The following CNKSR2 variants were observed in gnomAD, a reference collection of about 807,000 sequenced individuals.
CNKSR2 encodes the protein connector enhancer of kinase suppressor of Ras 2, also known as CNK homolog protein 2.
Under a neutral mutation model 84.4 loss-of-function variants are expected in CNKSR2, and 14 were observed. That is an observed-to-expected ratio of 0.17 (90% CI 0.11 to 0.26). The LOEUF (loss-of-function observed/expected upper bound fraction) is 0.26. CNKSR2 is among the 10% of genes least tolerant of loss of function. The pLI, the probability that CNKSR2 is intolerant of heterozygous loss-of-function variation, is 1.00. For missense variants in CNKSR2, 485 were observed against 771.2 expected (o/e 0.63, Z 4.40); for synonymous variants, 275 against 277.9 (o/e 0.99, Z 0.10).
chrX:21,419,628 T>A (rs943487350), intron 1 of CNKSR2, among the ~76,000 whole-genome samples: 2 of 112,049 alleles, frequency 1.8e-5, no homozygotes, highest in South Asian at 3.7e-4. Context: ...AGCCCGGTGA[T>A]GCTGTGCTTC....
At chrX:21,453,839 CAA>C (rs2090965554) in intron 4 of CNKSR2, among the ~76,000 whole-genome samples, 1 of 111,089 alleles carries the variant, frequency 9.0e-6, no homozygotes, top group Non-Finnish European at 1.9e-5. Flanking sequence ...CAGAGAAGGA[CAA>C]AGAGAGAGCA....
chrX:21,490,446 T>A lies in CNKSR2; in HGVS notation c.562-13T>A, dbSNP rs779773084. 93 of 1,193,838 alleles carry A rather than the reference T, an allele frequency of 7.8e-5. No individual in the cohort carries two copies. The Middle Eastern group carries it at 5.2e-3, about 66-fold the overall frequency. Reference sequence around the variant, plus strand: ...CGTATTTACCACAACTATTTTTGTTTTTGTGCTTCCAGTGTAAAACTCTTT... The same window carrying A: ...CGTATTTACCACAACTATTTTTGTTATTGTGCTTCCAGTGTAAAACTCTTT... On this transcript the variant is annotated splice_polypyrimidine_tract_variant and intron_variant, in intron 5 of 21. Coordinates refer to ENST00000379510, the MANE Select transcript of CNKSR2 (RefSeq NM_014927.5).
chrX:21,433,695 C>T lies in CNKSR2; in HGVS notation c.431+881C>T, dbSNP rs1013517489. Among the ~76,000 whole-genome samples, 5 of 107,432 alleles carry T rather than the reference C, an allele frequency of 4.7e-5. No homozygotes were observed. The South Asian group carries it at 1.2e-3, about 26-fold the overall frequency. 93.3% of individuals were successfully genotyped at this position (107,432 alleles called of 115,157 possible). ...ACACACACACACACACACACACACA[C>T]GCCAGTATTACATTTTGGCATTTTA... On this transcript the variant is annotated intron_variant, in intron 3 of 21. Coordinates refer to ENST00000379510, the MANE Select transcript of CNKSR2 (RefSeq NM_014927.5).
intron 1 of CNKSR2, among the ~76,000 whole-genome samples, chrX:21,394,473 G>T (rs894261574): frequency 1.2e-4 from 13 of 111,426 alleles, no homozygotes; most frequent in African/African-American, 3.6e-4. Context: ...TCGAGTCAAT[G>T]TTTTTACTTA....
intron 11 of CNKSR2, among the ~76,000 whole-genome samples, chrX:21,551,748 G>A (rs192377291): frequency 6.7e-4 from 75 of 111,916 alleles, no homozygotes; most frequent in Non-Finnish European, 1.3e-3. Flanking sequence ...CAACAAGAAT[G>A]ATCTGGCCTG....
chrX:21,428,262 T>C (rs930286179), intron 2 of CNKSR2: 2 of 112,040 alleles, frequency 1.8e-5, no homozygotes, highest in African/African-American at 6.5e-5. Context: ...GCATAATTTT[T>C]CTCTTACCTG....
chrX:21,550,680 A>G lies in CNKSR2; in HGVS notation c.1304-10791A>G, dbSNP rs985308502. ...TTGGAACCAACCCAAATGCCCATCA[A>G]TGATAGACTGGATAAAGAAAATGTG... On this transcript the variant is annotated intron_variant, in intron 11 of 21. Coordinates refer to ENST00000379510, the MANE Select transcript of CNKSR2 (RefSeq NM_014927.5). 7.1e-5 allele frequency among the ~76,000 whole-genome samples: 8 copies of G among 112,440 alleles called. No homozygotes were observed. In the East Asian group the frequency reaches 8.4e-4, roughly 12 times the overall value.
In CNKSR2 at chrX:21,514,415, C is replaced by T. The variant is rs1486085999; in HGVS notation, c.811-2070C>T. On this transcript the variant is annotated intron_variant, in intron 8 of 21. Coordinates refer to ENST00000379510, the MANE Select transcript of CNKSR2 (RefSeq NM_014927.5). ...CAAATTTTCTGCCATTAAATAACAT[C>T]AGCTGTAAAATTAAAATCCACCCAA... 3.6e-5 allele frequency among the ~76,000 whole-genome samples: 4 copies of T among 111,736 alleles called. No individual in the cohort carries two copies. In the East Asian group the frequency reaches 1.1e-3, roughly 32 times the overall value.
At chrX:21,643,086 T>C (rs1324102997) in intron 20 of CNKSR2, 1 of 110,859 alleles carries the variant, frequency 9.0e-6, no homozygotes, top group Non-Finnish European at 1.9e-5. Flanking sequence ...ATATAGTGAC[T>C]CCACATTAAT....
intron 20 of CNKSR2, among the ~76,000 whole-genome samples, chrX:21,612,820 G>A (rs1031982395): frequency 4.5e-5 from 5 of 111,656 alleles, no homozygotes; most frequent in Non-Finnish European, 9.4e-5. Context: ...TATATATTTA[G>A]CCTTCCTTAG....
At chrX:21,585,080 T>C (rs2092377687) in intron 13 of CNKSR2, among the ~76,000 whole-genome samples, 1 of 106,229 alleles carries the variant, frequency 9.4e-6, no homozygotes, top group African/African-American at 3.4e-5. Flanking sequence ...CCATCTCTAC[T>C]AAAAATACAA....
chrX:21,628,699 T>C (rs1233487328), intron 20 of CNKSR2, among the ~76,000 whole-genome samples: 1 of 111,003 alleles, frequency 9.0e-6, no homozygotes, highest in Non-Finnish European at 1.9e-5. Flanking sequence ...GCGCCACACC[T>C]GTAGACTGCA....
chrX:21,595,236 A>G (rs2092445049), intron 16 of CNKSR2, 88 bp from the exon 17 acceptor site: 2 of 725,689 alleles, frequency 2.8e-6, no homozygotes, highest in Non-Finnish European at 4.3e-6. Flanking sequence ...AACTCGGGTT[A>G]GATGTTGAGG....
At chrX:21,621,994 G>T (rs2092603880) in intron 20 of CNKSR2, among the ~76,000 whole-genome samples, 1 of 110,639 alleles carries the variant, frequency 9.0e-6, no homozygotes, top group African/African-American at 3.3e-5. Context: ...CTTATGGAAT[G>T]CTGACAGTAG....
At chrX:21,621,915 A>G (rs926371437) in intron 20 of CNKSR2, among the ~76,000 whole-genome samples, 15 of 111,569 alleles carry the variant, frequency 1.3e-4, no homozygotes, top group African/African-American at 2.3e-4. Context: ...AGGTTTATCA[A>G]TATGTTCATT....
At chrX:21,487,194 A>G (rs1020165968) in intron 5 of CNKSR2, among the ~76,000 whole-genome samples, 8 of 111,917 alleles carry the variant, frequency 7.1e-5, no homozygotes, top group African/African-American at 2.6e-4. Context: ...CATTTGGCAA[A>G]CAAAATTACT....
intron 13 of CNKSR2, among the ~76,000 whole-genome samples, chrX:21,588,891 GA>G (rs756671860): frequency 9.0e-6 from 1 of 111,016 alleles, no homozygotes; most frequent in South Asian, 3.7e-4. Flanking sequence ...AATACAAAGG[GA>G]AAAAAAACCC....
At position 21,411,738 on chromosome X, in the gene CNKSR2, A is replaced by G. The variant is rs191291522; in HGVS notation, c.65-14759A>G. On this transcript the variant is annotated intron_variant, in intron 1 of 21. Coordinates refer to ENST00000379510, the MANE Select transcript of CNKSR2 (RefSeq NM_014927.5). ...CTCTCTGACATGGTCAAATCACCATATTATGGGCTCCTGGAGCACCATGCC... is the reference window on the plus strand; with the variant it reads ...CTCTCTGACATGGTCAAATCACCATGTTATGGGCTCCTGGAGCACCATGCC... 2.8e-3 allele frequency among the ~76,000 whole-genome samples: 308 copies of G among 111,219 alleles called. 4 individuals are homozygous for G. Among genetic ancestry groups the G allele is most frequent in the Non-Finnish European group, 4.6e-3 (244 of 52,972 alleles).
chrX:21,569,423 G>A (rs1421973384), intron 13 of CNKSR2, among the ~76,000 whole-genome samples: 1 of 111,768 alleles, frequency 8.9e-6, no homozygotes, highest in Non-Finnish European at 1.9e-5. Context: ...TATATCCACA[G>A]TAGAACTTCA....
Sources: allele counts gnomAD v4.1 joint callset (sites outside exome capture counted in the v4.1 genomes callset), GRCh38; gene constraint gnomAD v4.1.1; transcripts MANE v1.5; gene names NCBI Gene and HGNC (gene_info 2026-07-23, HGNC 2026-07-21).